LMLN: variants seen among roughly 807,000 people sequenced by gnomAD.
LMLN encodes the protein leishmanolysin-like peptidase.
A neutral mutation model predicts 92.3 loss-of-function variants in LMLN; 70 were observed. The ratio of observed to expected loss-of-function variants is 0.76; its 90% CI spans 0.63 to 0.92. The LOEUF is 0.92. LMLN is among the 40% of genes least tolerant of loss of function. The probability of loss-of-function intolerance (pLI) is 0.00; values close to 1 mark genes in which losing one functional copy is unlikely to be tolerated. For synonymous variants in LMLN, 308 were observed against 296.2 expected, an observed-to-expected ratio of 1.04 and a Z score of -0.41; for missense variants, 691 against 814.6, an observed-to-expected ratio of 0.85 and a Z score of 1.85.
intron 11 of LMLN, among the ~76,000 whole-genome samples, chr3:198,007,435 A>G (rs1722325475): frequency 6.6e-6 from 1 of 151,010 alleles, no homozygotes; most frequent in East Asian, 1.9e-4. Flanking sequence ...TGAAAAGGCT[A>G]TCTTTCCTTC....
chr3:197,977,140 A>G (rs1208903038), intron 5 of LMLN, among the ~76,000 whole-genome samples: 1 of 152,244 alleles, frequency 6.6e-6, no homozygotes, highest in Non-Finnish European at 1.5e-5. Context: ...TCTTTGCAAA[A>G]CTATAAATAT....
chr3:197,968,024 G>A (rs1721108350), intron 1 of LMLN, among the ~76,000 whole-genome samples: 1 of 152,102 alleles, frequency 6.6e-6, no homozygotes, highest in South Asian at 2.1e-4. Context: ...CTTTTTCAAG[G>A]TGCACTGATT....
chr3:197,979,409 C>CA (rs964363360), intron 5 of LMLN, among the ~76,000 whole-genome samples: 4 of 152,156 alleles, frequency 2.6e-5, no homozygotes, highest in African/African-American at 4.8e-5. Flanking sequence ...TGCGGTGACT[C>CA]ACGCCTGTAA....
chr3:198,006,397 G>T (rs1457234444), intron 11 of LMLN, among the ~76,000 whole-genome samples: 1 of 152,158 alleles, frequency 6.6e-6, no homozygotes, highest in Non-Finnish European at 1.5e-5. Flanking sequence ...ACAGGTTTGT[G>T]TGTGAACATA....
chr3:197,991,284 T>C (rs1721861709), intron 9 of LMLN, among the ~76,000 whole-genome samples: 1 of 151,950 alleles, frequency 6.6e-6, no homozygotes, highest in South Asian at 2.1e-4. Flanking sequence ...TGTTTATTTT[T>C]TTGTAGTGAT....
At chr3:197,999,485 G>A (rs1722113791) in intron 11 of LMLN, 143 bp downstream of exon 11, 3 of 620,184 alleles carry the variant, frequency 4.8e-6, no homozygotes, top group South Asian at 2.0e-5. Flanking sequence ...TTAGCTGTCC[G>A]TTATTCATAC....
intron 10 of LMLN, among the ~76,000 whole-genome samples, chr3:197,997,036 TTTTC>T (rs1282233081): frequency 1.0e-4 from 15 of 150,066 alleles, no homozygotes; most frequent in Admixed American, 2.7e-4. Flanking sequence ...TTTTCTTTTC[TTTTC>T]TTTCTTTCTT....
At chr3:198,017,302 T>G (rs1053911659) in intron 11 of LMLN, among the ~76,000 whole-genome samples, 1 of 152,196 alleles carries the variant, frequency 6.6e-6, no homozygotes, top group Non-Finnish European at 1.5e-5. Flanking sequence ...GTATGTATGT[T>G]AGAGATTCCA....
intron 14 of LMLN, among the ~76,000 whole-genome samples, chr3:198,032,101 CAAA>C (rs35145607): frequency 1.7e-4 from 18 of 103,662 alleles, no homozygotes; most frequent in Admixed American, 3.5e-4. Flanking sequence ...GACTCTGACT[CAAA>C]AAAAAAAAAA....
rs1721394698 is a variant in LMLN, at chr3:197,976,724, C to T, written c.549+9C>T. On this transcript the variant is annotated intron_variant, in intron 5 of 15. Coordinates refer to ENST00000330198, the Ensembl canonical transcript of LMLN. ...CTGAGGAACATCTCCAGGTATTTCA[C>T]CCTGCTCTTGGCAGTGCTTTTACAC... 1.4e-6 allele frequency: 2 copies of T among 1,420,820 alleles called. No individual in the cohort carries two copies. The highest frequency in any genetic ancestry group is 1.9e-6 in the Non-Finnish European group (2 of 1,034,986). The allele number at this position is 1,420,820 out of a possible 1,614,324, so 88.0% of individuals were successfully genotyped here. A position where few individuals can be genotyped will look rare whatever the true frequency, so the allele number is the denominator to read the frequency against.
intron 11 of LMLN, among the ~76,000 whole-genome samples, chr3:198,014,272 T>C (rs1378533777): frequency 7.0e-6 from 1 of 142,620 alleles, no homozygotes; most frequent in African/African-American, 2.7e-5. Context: ...GTCTGACTTC[T>C]CTCCACCCTT....
At chr3:197,966,239 G>A (rs554259618) in intron 1 of LMLN, among the ~76,000 whole-genome samples, 5 of 152,064 alleles carry the variant, frequency 3.3e-5, no homozygotes, top group East Asian at 1.9e-4. Flanking sequence ...GACAAGTTTC[G>A]CCATGTTAGC....
chr3:197,983,232 G>A (rs1019182021), intron 6 of LMLN, among the ~76,000 whole-genome samples: 1 of 152,196 alleles, frequency 6.6e-6, no homozygotes, highest in African/African-American at 2.4e-5. Flanking sequence ...TATGTAAGAT[G>A]TTAAGATAGT....
chr3:197,974,341 G>A (rs758700814), intron 1 of LMLN, 36 bp from the exon 2 acceptor site: 3 of 1,100,932 alleles, frequency 2.7e-6, no homozygotes, highest in South Asian at 1.3e-5. Flanking sequence ...TAATCTGTAT[G>A]TCTTAAACAG....
intron 9 of LMLN, among the ~76,000 whole-genome samples, chr3:197,995,661 A>G (rs897288579): frequency 2.1e-4 from 32 of 151,696 alleles, no homozygotes; most frequent in Admixed American, 1.2e-3. Context: ...TTTGAGATCT[A>G]TTGCACAGTG....
chr3:198,035,943 C>A, exon 15 of LMLN: 1 of 1,613,988 alleles, frequency 6.2e-7, no homozygotes, highest in East Asian at 2.2e-5. Flanking sequence ...GCTGGATTCA[C>A]GATGGAAACC....
rs372294492 is a variant in LMLN, at chr3:197,967,248, G to A, written c.219+6808G>A. 5.6e-4 allele frequency among the ~76,000 whole-genome samples: 85 copies of A among 152,206 alleles called. 1 individual carries two copies. In the East Asian group the frequency reaches 7.3e-3, roughly 13 times the overall value. On this transcript the variant is annotated intron_variant, in intron 1 of 15. Coordinates refer to ENST00000330198, the Ensembl canonical transcript of LMLN. The stretch of plus-strand genomic sequence containing the variant: ...AACTTCAGGTTTATCGGGGGAACCC[G>A]CCCCCAATATTTCAAAGTAGGTTCT...
intron 5 of LMLN, among the ~76,000 whole-genome samples, chr3:197,978,125 C>T (rs1721455038): frequency 6.9e-6 from 1 of 144,048 alleles, no homozygotes. Context: ...ATATAAAAAT[C>T]ATCAAACAAT....
At chr3:197,986,526 A>G (rs1367897439) in intron 8 of LMLN, among the ~76,000 whole-genome samples, 1 of 152,218 alleles carries the variant, frequency 6.6e-6, no homozygotes, top group African/African-American at 2.4e-5. Flanking sequence ...TTACAGATAT[A>G]AAGAATTGGA....
Sources: allele counts gnomAD v4.1 joint callset (sites outside exome capture counted in the v4.1 genomes callset), GRCh38; gene constraint gnomAD v4.1.1; transcripts MANE v1.5; gene names NCBI Gene and HGNC (gene_info 2026-07-23, HGNC 2026-07-21).